Variants in GPC5 observed in about 807,000 individuals in gnomAD.
GPC5 encodes the protein glypican 5.
In GPC5, 47 loss-of-function variants were observed where a neutral mutation model predicts 53.9. That is an observed-to-expected ratio of 0.87 (90% CI 0.69 to 1.11). GPC5 has a LOEUF of 1.11. GPC5 is among the 50% of genes most tolerant of loss of function. The pLI is 0.00. For missense variants in GPC5, 748 were observed against 713.1 expected (o/e 1.05, Z -0.56); for synonymous variants, 286 against 263.3 (o/e 1.09, Z -0.84).
At chr13:91,772,046 A>G (rs751362712) in intron 5 of GPC5, among the ~76,000 whole-genome samples, 50 of 152,304 alleles carry the variant, frequency 3.3e-4, no homozygotes, top group Non-Finnish European at 4.9e-4. Flanking sequence ...GACTAACCGA[A>G]CACTGCTTGC....
chr13:91,558,104 G>A (rs1323393683), intron 2 of GPC5, among the ~76,000 whole-genome samples: 6 of 152,118 alleles, frequency 3.9e-5, no homozygotes, highest in Non-Finnish European at 7.4e-5. Flanking sequence ...TTACAGAATA[G>A]GAAAGGAATT....
intron 2 of GPC5, among the ~76,000 whole-genome samples, chr13:91,569,215 C>G (rs913714355): frequency 2.6e-5 from 4 of 152,054 alleles, no homozygotes; most frequent in African/African-American, 9.7e-5. Context: ...GAAAGTGTCA[C>G]TTGAAATTAG....
chr13:92,166,015 C>T (rs2042024870), intron 7 of GPC5, among the ~76,000 whole-genome samples: 1 of 152,118 alleles, frequency 6.6e-6, no homozygotes, highest in Non-Finnish European at 1.5e-5. Context: ...AAAAACTTCA[C>T]TCTATATTTT....
At chr13:91,742,416 A>T (rs1003859389) in intron 4 of GPC5, among the ~76,000 whole-genome samples, 3 of 152,202 alleles carry the variant, frequency 2.0e-5, no homozygotes, top group Non-Finnish European at 2.9e-5. Context: ...AAAATGTTTT[A>T]AAAATGCTCT....
chr13:91,989,352 A>G (rs1393412925), intron 6 of GPC5, among the ~76,000 whole-genome samples: 2 of 152,234 alleles, frequency 1.3e-5, no homozygotes, highest in Admixed American at 6.5e-5. Flanking sequence ...TGTAAGATGA[A>G]TATGATGGCC....
intron 6 of GPC5, among the ~76,000 whole-genome samples, chr13:92,057,580 A>AT (rs11448816): frequency 0.56 from 85,587 of 151,672 alleles, 24,441 homozygotes; most frequent in East Asian, 0.79. Context: ...GTAGGTTTCA[A>AT]TTTTTTTTAA....
chr13:91,888,659 A>T (rs919009853), intron 5 of GPC5, among the ~76,000 whole-genome samples: 2 of 152,120 alleles, frequency 1.3e-5, no homozygotes, highest in Non-Finnish European at 2.9e-5. Flanking sequence ...TGGTTTACAG[A>T]TTATTCATGT....
intron 7 of GPC5, among the ~76,000 whole-genome samples, chr13:92,462,441 G>A (rs1338555250): frequency 1.3e-5 from 2 of 152,142 alleles, no homozygotes; most frequent in African/African-American, 4.8e-5. Flanking sequence ...GTTTTGGCTT[G>A]AGTGACTGGA....
At chr13:92,051,571 C>T (rs1024434072) in intron 6 of GPC5, among the ~76,000 whole-genome samples, 1 of 152,166 alleles carries the variant, frequency 6.6e-6, no homozygotes, top group African/African-American at 2.4e-5. Flanking sequence ...TTGAGCTGAC[C>T]AGCTCTGTTT....
intron 6 of GPC5, among the ~76,000 whole-genome samples, chr13:91,923,626 T>C (rs1044879160): frequency 3.9e-5 from 6 of 152,222 alleles, no homozygotes; most frequent in African/African-American, 1.4e-4. Context: ...TGATTGAAAC[T>C]TAAGCAGTTT....
chr13:91,726,378 C>T (rs546992867), intron 3 of GPC5, among the ~76,000 whole-genome samples: 6 of 152,266 alleles, frequency 3.9e-5, no homozygotes, highest in South Asian at 2.1e-4. Context: ...TTCTACAGTG[C>T]GGCCTCATGC....
At chr13:91,840,823 A>T (rs932818981) in intron 5 of GPC5, among the ~76,000 whole-genome samples, 3 of 151,746 alleles carry the variant, frequency 2.0e-5, no homozygotes. Context: ...AACACTTGGG[A>T]CATATTCCTG....
chr13:92,670,232 G>T (rs1886701628), intron 7 of GPC5, among the ~76,000 whole-genome samples: 1 of 152,146 alleles, frequency 6.6e-6, no homozygotes, highest in Non-Finnish European at 1.5e-5. Flanking sequence ...GAGCTAAATT[G>T]GGAGCCAGAA....
intron 7 of GPC5, among the ~76,000 whole-genome samples, chr13:92,521,860 A>T (rs934030782): frequency 1.7e-4 from 26 of 152,116 alleles, no homozygotes; most frequent in African/African-American, 5.6e-4. Flanking sequence ...ATGGGAGAAA[A>T]TTTTTGCAAT....
Position 92,052,987 on chromosome 13 carries a change from A to C in GPC5, c.1402-91843A>C, listed in dbSNP as rs1406134522. On this transcript the variant is annotated intron_variant, in intron 6 of 7. Transcript: ENST00000377067. ...TTAAAGCAGGTCTGGAAGAGGAAAC[A>C]GAATTTTACTGTAAATCATGTTTGT... Among the ~76,000 whole-genome samples, 82 of 152,326 alleles carry C rather than the reference A, an allele frequency of 5.4e-4. 3 individuals are homozygous for C. Among genetic ancestry groups the C allele is most frequent in the Non-Finnish European group, 4.4e-5 (3 of 68,030 alleles).
intron 2 of GPC5, among the ~76,000 whole-genome samples, chr13:91,563,788 T>C (rs2031398446): frequency 6.6e-6 from 1 of 152,020 alleles, no homozygotes; most frequent in African/African-American, 2.4e-5. Context: ...CTCTGACCAA[T>C]TCCTTCCTCA....
intron 7 of GPC5, among the ~76,000 whole-genome samples, chr13:92,330,829 C>A (rs1456162807): frequency 1.3e-5 from 2 of 152,130 alleles, no homozygotes; most frequent in African/African-American, 4.8e-5. Flanking sequence ...GAGCCGAGGT[C>A]AACAATGGCT....
chr13:91,603,701 C>A (rs1040173677), intron 2 of GPC5, among the ~76,000 whole-genome samples: 2 of 151,778 alleles, frequency 1.3e-5, no homozygotes, highest in African/African-American at 2.4e-5. Flanking sequence ...GTCATTTACT[C>A]TTTTTTTTCA....
chr13:92,580,105 C>A (rs1009131063), intron 7 of GPC5, among the ~76,000 whole-genome samples: 1 of 152,236 alleles, frequency 6.6e-6, no homozygotes, highest in African/African-American at 2.4e-5. Context: ...TGTGTGCAAC[C>A]TTTGTTAAGG....
Sources: allele counts gnomAD v4.1 joint callset (sites outside exome capture counted in the v4.1 genomes callset), GRCh38; gene constraint gnomAD v4.1.1; transcripts MANE v1.5; gene names NCBI Gene and HGNC (gene_info 2026-07-23, HGNC 2026-07-21).